LRRTM4: variants seen among roughly 807,000 people sequenced by gnomAD.
LRRTM4 encodes leucine-rich repeat transmembrane neuronal protein 4.
Under a neutral mutation model 47.6 loss-of-function variants are expected in LRRTM4, and 25 were observed. The observed-to-expected ratio is 0.53, with a 90% CI of 0.38 to 0.73. The LOEUF (loss-of-function observed/expected upper bound fraction) is 0.73, where lower values mean the gene tolerates loss of function less well. Ranked by LOEUF, LRRTM4 falls within the 30% of genes least tolerant of loss-of-function variation. The pLI, the probability that LRRTM4 is intolerant of heterozygous loss-of-function variation, is 0.00. For missense variants in LRRTM4, 638 were observed against 713.4 expected, an observed-to-expected ratio of 0.89 and a Z score of 1.20; for synonymous variants, 311 against 269.5, an observed-to-expected ratio of 1.15 and a Z score of -1.51.
rs1679370233 is a variant in LRRTM4, at chr2:77,519,187, G to C, written c.682C>G (p.Leu228Val). ...AAGTAAATTGAGCGGAGGTTGAAGAGACGTGGAAAATGAGCAAAGTTGATC... is the reference window on the plus strand; with the variant it reads ...AAGTAAATTGAGCGGAGGTTGAAGACACGTGGAAAATGAGCAAAGTTGATC... ...SKINFAHFPR[L>V]FNLRSIYLQW... The change falls in exon 3 of 4, where the codon CTC becomes GTC. Residue 228 changes from leucine (L) to valine (V), a missense_variant. Leu to Val is a conservative substitution (Grantham distance 32, BLOSUM62 1). Coordinates refer to ENST00000409884, the MANE Select transcript of LRRTM4 (RefSeq NM_001134745.3). This position sits in a 1 kb window ranked among gnomAD's most constrained non-coding sequence, Gnocchi z 4.6. 1.2e-6 allele frequency: 2 copies of C among 1,613,216 alleles called. No homozygotes were observed. The highest frequency in any genetic ancestry group is 3.3e-5 in the Admixed American group (2 of 59,858).
At chr2:77,475,008 G>A (rs1677331016) in intron 3 of LRRTM4, among the ~76,000 whole-genome samples, 1 of 152,010 alleles carries the variant, frequency 6.6e-6, no homozygotes, top group Non-Finnish European at 1.5e-5. Context: ...AGTTTAAAGT[G>A]GGAGAAAGAA....
intron 3 of LRRTM4, among the ~76,000 whole-genome samples, chr2:76,963,956 TA>T (rs1675943752): frequency 6.6e-6 from 1 of 150,892 alleles, no homozygotes; most frequent in African/African-American, 2.4e-5. Flanking sequence ...TAATAATGAA[TA>T]TTTTTATGGC....
At chr2:77,301,123 T>C (rs922799106) in intron 3 of LRRTM4, among the ~76,000 whole-genome samples, 2 of 152,118 alleles carry the variant, frequency 1.3e-5, no homozygotes, top group African/African-American at 4.8e-5. Context: ...GAAAAATACA[T>C]TTTACACATA....
intron 3 of LRRTM4, among the ~76,000 whole-genome samples, chr2:77,080,714 T>C (rs1680502326): frequency 1.3e-5 from 2 of 152,232 alleles, no homozygotes; most frequent in Admixed American, 1.3e-4. Context: ...CTTTATTTTA[T>C]GTCTAGAACT....
chr2:76,840,179 T>C (rs577206680), intron 3 of LRRTM4, among the ~76,000 whole-genome samples: 1 of 152,212 alleles, frequency 6.6e-6, no homozygotes, highest in Non-Finnish European at 1.5e-5. Context: ...GGCTTAATTT[T>C]AAATTTATTT....
intron 3 of LRRTM4, among the ~76,000 whole-genome samples, chr2:76,933,600 T>C (rs937045467): frequency 2.6e-5 from 4 of 152,152 alleles, no homozygotes; most frequent in Admixed American, 6.5e-5. Flanking sequence ...ATTTAGATTA[T>C]CATGTTTTGA....
At chr2:77,209,466 C>T (rs974535405) in intron 3 of LRRTM4, among the ~76,000 whole-genome samples, 11 of 151,262 alleles carry the variant, frequency 7.3e-5, no homozygotes, top group African/African-American at 1.7e-4. Context: ...TTATACCAGT[C>T]GCACTGCAAA....
At chr2:77,020,321 G>T (rs1184018923) in intron 3 of LRRTM4, among the ~76,000 whole-genome samples, 1 of 152,142 alleles carries the variant, frequency 6.6e-6, no homozygotes, top group African/African-American at 2.4e-5. Context: ...TAGTGTAGTT[G>T]TATGATCCTC....
At chr2:76,891,495 A>C (rs1673253227) in intron 3 of LRRTM4, among the ~76,000 whole-genome samples, 1 of 151,818 alleles carries the variant, frequency 6.6e-6, no homozygotes, top group Non-Finnish European at 1.5e-5. Context: ...TGGAAAAGTA[A>C]GCCAAATTTG....
intron 3 of LRRTM4, among the ~76,000 whole-genome samples, chr2:77,067,056 T>G (rs913406999): frequency 3.3e-5 from 5 of 152,224 alleles, no homozygotes; most frequent in Admixed American, 1.3e-4. Flanking sequence ...AGAATTAAAG[T>G]ATAGCACATT....
At chr2:76,840,921 C>G (rs943113999) in intron 3 of LRRTM4, among the ~76,000 whole-genome samples, 5 of 151,838 alleles carry the variant, frequency 3.3e-5, no homozygotes, top group Admixed American at 3.3e-4. Context: ...CATCCCATTA[C>G]TGGGTATATA....
At chr2:77,438,928 G>A (rs1675720576) in intron 3 of LRRTM4, among the ~76,000 whole-genome samples, 1 of 152,090 alleles carries the variant, frequency 6.6e-6, no homozygotes, top group Admixed American at 6.5e-5. Context: ...ACCTTGTTAT[G>A]GGGGCATACT....
intron 3 of LRRTM4, among the ~76,000 whole-genome samples, chr2:77,454,803 T>A (rs1676458194): frequency 6.6e-6 from 1 of 152,232 alleles, no homozygotes; most frequent in Admixed American, 6.5e-5. Context: ...AACACATAAA[T>A]GATGCCCAAT....
chr2:76,954,831 C>T (rs1012476616), intron 3 of LRRTM4, among the ~76,000 whole-genome samples: 28 of 151,790 alleles, frequency 1.8e-4, no homozygotes, highest in African/African-American at 6.5e-4. Flanking sequence ...ACATCACATA[C>T]ATATTCATAA....
chr2:77,522,126 G>T lies in LRRTM4; in HGVS notation c.-165C>A. 4.2e-6 allele frequency: 3 copies of T among 715,944 alleles called. No homozygotes were observed. In the South Asian group the frequency reaches 4.4e-5, roughly 11 times the overall value. 44.3% of individuals were successfully genotyped at this position (715,944 alleles called of 1,614,324 possible). On this transcript the variant is annotated 5_prime_UTR_variant, in exon 1 of 4. Transcript: ENST00000409884. ...CAGAATACCTGGCATTCCTTATTGT[G>T]CTGGCTTTTGCCATTCCCAGATAAA...
intron 3 of LRRTM4, among the ~76,000 whole-genome samples, chr2:77,047,841 G>A (rs918274949): frequency 1.3e-5 from 2 of 151,992 alleles, no homozygotes; most frequent in African/African-American, 4.8e-5. Flanking sequence ...AACTATTAGG[G>A]TTTATGAACT....
chr2:77,362,435 C>T (rs1672279231), intron 3 of LRRTM4, among the ~76,000 whole-genome samples: 1 of 152,094 alleles, frequency 6.6e-6, no homozygotes, highest in South Asian at 2.1e-4. Flanking sequence ...AGAAATCAAT[C>T]CAACACCTTT....
At chr2:77,443,343 A>C (rs983751278) in intron 3 of LRRTM4, among the ~76,000 whole-genome samples, 1 of 152,114 alleles carries the variant, frequency 6.6e-6, no homozygotes, top group Non-Finnish European at 1.5e-5. Context: ...CATTACTTAG[A>C]TGTTTTGGTA....
chr2:76,867,508 T>C (rs1248858408), intron 3 of LRRTM4, among the ~76,000 whole-genome samples: 1 of 152,168 alleles, frequency 6.6e-6, no homozygotes, highest in Non-Finnish European at 1.5e-5. Context: ...GTGTGTGTGT[T>C]TTAATTTTTT....
Sources: gnomAD v4.1 joint callset for allele counts (sites outside exome capture counted in the v4.1 genomes callset) on GRCh38, gnomAD v4.1.1 for gene constraint, Gnocchi (gnomAD v3.1) non-coding constraint, MANE v1.5 for transcripts, NCBI Gene and HGNC (gene_info 2026-07-23, HGNC 2026-07-21) for gene names.